The following FASN variants were observed in gnomAD, a reference collection of about 807,000 sequenced individuals.
The protein encoded by FASN is 3-hydroxyacyl-[acyl-carrier-protein] dehydratase.
Under a neutral mutation model 250.0 loss-of-function variants are expected in FASN, and 50 were observed. That is an observed-to-expected ratio of 0.20 (90% CI 0.16 to 0.25). The LOEUF (loss-of-function observed/expected upper bound fraction) is 0.25. Ranked by LOEUF, FASN falls within the 10% of genes least tolerant of loss-of-function variation. The pLI is 1.00. For missense variants in FASN, 3,031 were observed against 3,498.5 expected (o/e 0.87, Z 3.37); for synonymous variants, 1,909 against 1,584.0 (o/e 1.21, Z -4.87).
rs767371098 is a variant in FASN at position 82,093,731 on chromosome 17, G to A, written c.321C>T (p.Val107=). 3 of 1,612,762 alleles carry A rather than the reference G, an allele frequency of 1.9e-6. No individual in the cohort carries two copies. The South Asian group carries it at 3.3e-5, about 18-fold the overall frequency. The stretch of plus-strand genomic sequence containing the variant: ...TCTCAGAGCCGCTCACGCCCACCCA[G>A]ACGCCAGTGTGTGTTCCTCGGAGTG... The part of the protein sequence containing the change: ...PDSLRGTHTG[V]WVGVSGSETS... The change falls in exon 4 of 43, where the codon GTC becomes GTT. Residue 107 remains valine, a synonymous_variant. Coordinates refer to ENST00000306749, the MANE Select transcript of FASN (RefSeq NM_004104.5).
In FASN at chr17:82,093,617, G is replaced by A; in HGVS notation, c.435C>T (p.Ser145=). 1.2e-6 allele frequency: 2 copies of A among 1,612,810 alleles called. No homozygotes were observed. The highest frequency in any genetic ancestry group is 1.7e-6 in the Non-Finnish European group (2 of 1,179,988). Residue 145 remains serine, a synonymous_variant, in exon 4 of 43, where the codon TCC becomes TCT. Transcript: ENST00000306749. The stretch of plus-strand genomic sequence containing the variant: ...ACCCACCTCTGAAGTCGAAGAAGAA[G>A]GAGAGCCGGTTGGCCATCATCGCTC... ...CQRAMMANRL[S]FFFDFRGPSI...
intron 22 of FASN, among the ~76,000 whole-genome samples, 169 bp downstream of exon 22, chr17:82,086,085 G>A (rs1468354996): frequency 6.6e-6 from 1 of 152,200 alleles, no homozygotes; most frequent in Non-Finnish European, 1.5e-5. Context: ...GACCCTCCAC[G>A]GTGGCTGTGT....
In FASN at chr17:82,084,275, G is replaced by C. The variant is rs1443556390; in HGVS notation, c.4878C>G (p.Val1626=). ...LVPAKGLATS[V]LLSPDFLWDV... ...CCCAGAGGAAGTCCGGTGACAGCAG[G>C]ACAGAGGTGGCCAGGCCCTTGGCAG... Residue 1626 remains valine (V), a synonymous_variant, in exon 28 of 43, where the codon GTC becomes GTG. Transcript: ENST00000306749. 8 of 1,611,856 alleles carry C rather than the reference G, an allele frequency of 5.0e-6. No individual in the cohort carries two copies. The highest frequency in any genetic ancestry group is 2.7e-5 in the African/African-American group (2 of 74,924).
In FASN at chr17:82,086,959, C is replaced by A. The variant is rs564362669; in HGVS notation, c.3427+91G>T. The A allele has an allele frequency of 5.2e-5, 77 of 1,472,712 alleles. No homozygotes were observed. In the African/African-American group the frequency reaches 5.6e-4, roughly 11 times the overall value. 91.2% of individuals were successfully genotyped at this position (1,472,712 alleles called of 1,614,324 possible). A position where few individuals can be genotyped will look rare whatever the true frequency, so the allele number is the denominator to read the frequency against. On this transcript the variant is annotated intron_variant, in intron 21 of 42. Coordinates refer to ENST00000306749, the MANE Select transcript of FASN (RefSeq NM_004104.5). Reference sequence around the variant, plus strand: ...AGGGTTGCTGACCCCAAAGGGGGCCCCGTGGAGAAGCAAGTCTGGGGTCAA... The same window carrying A: ...AGGGTTGCTGACCCCAAAGGGGGCCACGTGGAGAAGCAAGTCTGGGGTCAA...
intron 36 of FASN, 66 bp from the exon 37 acceptor site, chr17:82,081,909 AG>A: frequency 1.5e-5 from 1 of 67,016 alleles, no homozygotes; most frequent in South Asian, 2.2e-4. Flanking sequence ...CCACTGGGAG[AG>A]GGTGGGGTGG....
In FASN at chr17:82,081,998, G is replaced by A; in HGVS notation, c.6163+11C>T. 6.2e-7 allele frequency: 1 copy of A among 1,604,556 alleles called. No individual in the cohort carries two copies. Among genetic ancestry groups the A allele is most frequent in the Non-Finnish European group, 8.5e-7 (1 of 1,179,426 alleles). ...GGGTGGGCAGGGTCGAGGGGAGAGG[G>A]TGGGGCCCACCTGGGAGGCCTTCGT... On this transcript the variant is annotated intron_variant, in intron 36 of 42. Transcript: ENST00000306749.
In FASN at chr17:82,089,625, C is replaced by A. The variant is rs895760019; in HGVS notation, c.1965+7G>T. 6.3e-7 allele frequency: 1 copy of A among 1,594,200 alleles called. No individual in the cohort carries two copies. Among genetic ancestry groups the A allele is most frequent in the Non-Finnish European group, 8.5e-7 (1 of 1,171,164 alleles). On this transcript the variant is annotated splice_region_variant and intron_variant, in intron 12 of 42. Transcript: ENST00000306749. Reference sequence around the variant, plus strand: ...ACAGAGGAGCCCGCCCAGGCCGCAGCACCCACCTGAGGTCCCGAGATGGTG... The same window carrying A: ...ACAGAGGAGCCCGCCCAGGCCGCAGAACCCACCTGAGGTCCCGAGATGGTG...
intron 38 of FASN, 56 bp downstream of exon 38, chr17:82,081,108 G>C (rs2033979266): frequency 6.5e-7 from 1 of 1,530,078 alleles, no homozygotes; most frequent in African/African-American, 1.4e-5. Flanking sequence ...AGACAACAAG[G>C]AGGAAGGGCT....
Position 82,086,338 on chromosome 17 carries a change from G to T in FASN, c.3648C>A (p.Ser1216Arg), listed in dbSNP as rs530379505. 6.2e-7 allele frequency: 1 copy of T among 1,606,326 alleles called. No homozygotes were observed. The highest frequency in any genetic ancestry group is 2.2e-5 in the East Asian group (1 of 44,796). Reference protein sequence around the residue: ...RPKLPEDPLLSGLLDSPALKA... With the variant: ...RPKLPEDPLLRGLLDSPALKA... ...TGAGTGCCGGGGAGTCCAGGAGGCC[G>T]CTGAGCAGAGGGTCCTCTGGCAGCT... is the stretch of plus-strand genomic sequence containing the variant. Residue 1216 changes from serine (S) to arginine (R), a missense_variant, in exon 22 of 43, where the codon AGC becomes AGA. Coordinates refer to ENST00000306749, the MANE Select transcript of FASN (RefSeq NM_004104.5).
chr17:82,085,586 C>T lies in FASN; in HGVS notation c.4018G>A (p.Gly1340Ser). ...AGCAGTGTGTGCAGGAGCAGAAAGC[C>T]CCCTTCTCTCAGGGCAGCCACCATG... ...SNMVAALREG[G>S]FLLLHTLLRG... is the part of the protein sequence containing the mutation. The change falls in exon 23 of 43, where the codon GGC becomes AGC. Residue 1340 changes from glycine (G) to serine (S), a missense_variant. Physicochemically the swap from Gly to Ser is moderately conservative, Grantham distance 56. Transcript: ENST00000306749. 1.3e-6 allele frequency: 2 copies of T among 1,596,678 alleles called. No individual in the cohort carries two copies. The highest frequency in any genetic ancestry group is 1.7e-6 in the Non-Finnish European group (2 of 1,172,536).
At position 82,090,863 on chromosome 17, in the gene FASN, C is replaced by T; in HGVS notation, c.1680+19G>A. ...CCCTGGGGCTGGCGTTGCTCACACG[C>T]TGGCAGGCTGGGCCCTACCTGGATG... On this transcript the variant is annotated intron_variant, in intron 10 of 42. Transcript: ENST00000306749. 6.4e-7 allele frequency: 1 copy of T among 1,566,308 alleles called. No homozygotes were observed. Among genetic ancestry groups the T allele is most frequent in the Non-Finnish European group, 8.6e-7 (1 of 1,156,644 alleles).
chr17:82,090,256 C>T lies in FASN; in HGVS notation c.1870+119G>A, dbSNP rs549608386. 1,122 of 1,018,432 alleles carry T rather than the reference C, an allele frequency of 1.1e-3. 1 individual carries two copies. The highest frequency in any genetic ancestry group is 1.4e-3 in the Non-Finnish European group (980 of 707,490). 63.1% of individuals were successfully genotyped at this position (1,018,432 alleles called of 1,614,324 possible). On this transcript the variant is annotated intron_variant, in intron 11 of 42. Coordinates refer to ENST00000306749, the MANE Select transcript of FASN (RefSeq NM_004104.5). ...CGGCTGTGTCCGAGCTGGGTGTCCC[C>T]GGGCCAGCGGGGGCCACTCTATCCT...
intron 31 of FASN, 39 bp downstream of exon 31, chr17:82,083,478 C>T (rs1324957878): frequency 1.2e-6 from 2 of 1,612,728 alleles, no homozygotes; most frequent in Non-Finnish European, 1.7e-6. Flanking sequence ...CACCCACACC[C>T]ATCCATGCCC....
chr17:82,089,842 C>T (rs751771008), intron 11 of FASN, 116 bp from the exon 12 acceptor site: 38 of 899,528 alleles, frequency 4.2e-5, no homozygotes, highest in South Asian at 2.0e-4. Flanking sequence ...GTAATGGCAG[C>T]CTTGGAGCCT....
chr17:82,084,655 G>A lies in FASN; in HGVS notation c.4626C>T (p.Ser1542=), dbSNP rs757218364. Residue 1542 remains serine, a synonymous_variant, in exon 27 of 43, where the codon TCC becomes TCT. Transcript: ENST00000306749. ...FVSTLTRGDL[S]SIRWVCSSLR... ...GCGAGGAGCAGACCCAGCGGATGGA[G>A]GACAGGTCCCCCCGGGTGAGGGTGC... 7 of 1,594,770 alleles carry A rather than the reference G, an allele frequency of 4.4e-6. No homozygotes were observed. In the East Asian group the frequency reaches 1.4e-4, roughly 31 times the overall value.
Position 82,080,710 on chromosome 17 carries a change from C to A in FASN, c.6808G>T (p.Gly2270Cys). The change falls in exon 39 of 43, where the codon GGC (glycine) becomes TGC (cysteine). Residue 2270 changes from glycine to cysteine, a missense_variant. Physicochemically the swap from Gly to Cys is radical, Grantham distance 159. Transcript: ENST00000306749. ...LASRLSIPTY[G>C]LQCTRAAPLD... ...GGAGTACCTCGGGTGCACTGCAGGCCATAGGTGGGGATGCTGAGCCGGGAG... is the reference window on the plus strand; with the variant it reads ...GGAGTACCTCGGGTGCACTGCAGGCAATAGGTGGGGATGCTGAGCCGGGAG... 6.3e-7 allele frequency: 1 copy of A among 1,596,084 alleles called. No individual in the cohort carries two copies. The highest frequency in any genetic ancestry group is 8.5e-7 in the Non-Finnish European group (1 of 1,172,598).
At position 82,080,909 on chromosome 17, in the gene FASN, G is replaced by A. The variant is rs2033975848; in HGVS notation, c.6609C>T (p.Pro2203=). 1.2e-6 allele frequency: 2 copies of A among 1,608,624 alleles called. No individual in the cohort carries two copies. The highest frequency in any genetic ancestry group is 2.2e-5 in the South Asian group (2 of 90,172). The change falls in exon 39 of 43, where the codon CCC becomes CCT. Residue 2203 remains proline, a synonymous_variant. Transcript: ENST00000306749. ...KADEASELAC[P]TPKEDGLAQQ... ...GGGCCAGACCATCCTCCTTGGGCGTGGGGCATGCCAGCTCTGTGAAGACAG... is the reference window on the plus strand; with the variant it reads ...GGGCCAGACCATCCTCCTTGGGCGTAGGGCATGCCAGCTCTGTGAAGACAG...
At chr17:82,081,523 G>A (rs2033986538) in intron 37 of FASN, 78 bp downstream of exon 37, 1 of 1,600,392 alleles carries the variant, frequency 6.2e-7, no homozygotes. Flanking sequence ...GAGGCGCACA[G>A]GGGCACGACT....
Position 82,086,497 on chromosome 17 carries a change from T to A in FASN, c.3489A>T (p.Gly1163=). The change falls in exon 22 of 43, where the codon GGA becomes GGT. Residue 1163 remains glycine (G), a synonymous_variant. Coordinates refer to ENST00000306749, the MANE Select transcript of FASN (RefSeq NM_004104.5). ...CCCGGGGGATCTGGGCCCCATCCAG[T>A]CCGGGCACCACCATCTTCAGCCCCT... ...TQQGLKMVVP[G]LDGAQIPRDP... 1 of 1,612,512 alleles carries A rather than the reference T, an allele frequency of 6.2e-7. No homozygotes were observed. The highest frequency in any genetic ancestry group is 8.5e-7 in the Non-Finnish European group (1 of 1,179,974).
Sources: allele counts gnomAD v4.1 joint callset (sites outside exome capture counted in the v4.1 genomes callset), GRCh38; gene constraint gnomAD v4.1.1; transcripts MANE v1.5; gene names NCBI Gene and HGNC (gene_info 2026-07-23, HGNC 2026-07-21).